The following SNX14 variants were observed in gnomAD, a reference collection of about 807,000 sequenced individuals.
SNX14 encodes the protein sorting nexin-14.
SNX14 carries 93 observed loss-of-function variants against 133.8 expected under a neutral mutation model. The observed-to-expected ratio is 0.70, with a 90% confidence interval of 0.59 to 0.83. The LOEUF (loss-of-function observed/expected upper bound fraction) is 0.83, where lower values mean the gene tolerates loss of function less well. SNX14 is among the 40% of genes least tolerant of loss of function. SNX14 has a pLI of 0.00. For missense variants in SNX14, 945 were observed against 1,094.9 expected (o/e 0.86, Z 1.93); for synonymous variants, 368 against 365.6 (o/e 1.01, Z -0.07).
At chr6:85,582,444 T>C (rs751485297) in intron 1 of SNX14, among the ~76,000 whole-genome samples, 2 of 149,344 alleles carry the variant, frequency 1.3e-5, no homozygotes, top group East Asian at 1.9e-4. Flanking sequence ...CTGAAGGAGA[T>C]AGAGACACAC....
At chr6:85,516,174 C>G (rs1439617808) in intron 23 of SNX14, among the ~76,000 whole-genome samples, 1 of 152,152 alleles carries the variant, frequency 6.6e-6, no homozygotes, top group Non-Finnish European at 1.5e-5. Flanking sequence ...ACAATTTCAT[C>G]TGCTGCAAAA....
At chr6:85,558,216 A>G (rs1177141892) in intron 6 of SNX14, among the ~76,000 whole-genome samples, 156 bp from the exon 7 acceptor site, 1 of 152,232 alleles carries the variant, frequency 6.6e-6, no homozygotes, top group Non-Finnish European at 1.5e-5. Flanking sequence ...TACTAACTGT[A>G]ACATTAGATA....
chr6:85,552,896 A>G (rs1402921177), intron 7 of SNX14, among the ~76,000 whole-genome samples: 1 of 152,194 alleles, frequency 6.6e-6, no homozygotes, highest in Non-Finnish European at 1.5e-5. Context: ...TTCTTAACCA[A>G]TGCAAACCAA....
chr6:85,533,265 T>C (rs574173069), intron 18 of SNX14, among the ~76,000 whole-genome samples: 1 of 152,200 alleles, frequency 6.6e-6, no homozygotes, highest in African/African-American at 2.4e-5. Flanking sequence ...TAATACCTGA[T>C]ACAGTGCTAT....
intron 18 of SNX14, among the ~76,000 whole-genome samples, chr6:85,530,842 C>A (rs754426811): frequency 1.3e-5 from 2 of 152,038 alleles, no homozygotes; most frequent in African/African-American, 4.8e-5. Context: ...TCAGAGCTGA[C>A]AGAAACTTTA....
chr6:85,548,271 A>G, intron 9 of SNX14, 30 bp downstream of exon 9: 1 of 1,504,836 alleles, frequency 6.6e-7, no homozygotes, highest in Non-Finnish European at 9.1e-7. Context: ...TGTAATTTGT[A>G]ACAATTTAAA....
At chr6:85,563,635 C>T (rs929110113) in intron 6 of SNX14, among the ~76,000 whole-genome samples, 1 of 152,126 alleles carries the variant, frequency 6.6e-6, no homozygotes, top group Admixed American at 6.5e-5. Context: ...TCGAGTGGTC[C>T]GCCCACCTAG....
chr6:85,513,797 C>T lies in SNX14; in HGVS notation c.2653+3G>A, dbSNP rs1212089089. On this transcript the variant is annotated splice_donor_region_variant and intron_variant, in intron 26 of 28. Transcript: ENST00000314673. ...AAATTAAGTTACTTCTTAAATATTA[C>T]ACCTGGAATGTAATTCATCATTTCT... 6.3e-6 allele frequency: 10 copies of T among 1,598,352 alleles called. No homozygotes were observed. Among genetic ancestry groups the T allele is most frequent in the Non-Finnish European group, 6.0e-6 (7 of 1,166,972 alleles).
chr6:85,533,538 C>G, intron 18 of SNX14, 61 bp downstream of exon 18: 1 of 1,487,996 alleles, frequency 6.7e-7, no homozygotes, highest in Non-Finnish European at 9.1e-7. Context: ...TTTATCATAC[C>G]TGATAACAAC....
rs1774158819 is a variant in SNX14, at chr6:85,514,609, T to A, written c.2289A>T (p.Lys763Asn). ...TATTTTCAGCACGGTTTGCATTATT[T>A]TTAAACAGATCATTGAAAAGCTAAA... Reference protein sequence around the residue: ...NNKKLFNDLFKNNANRAENTE... With the variant: ...NNKKLFNDLFNNNANRAENTE... Residue 763 changes from lysine (K) to asparagine (N), a missense_variant, in exon 24 of 29, where the codon AAA becomes AAT. This residue lies in a region of SNX14 where 412 missense variants were observed against 516.6 expected (regional missense o/e 0.80). Coordinates refer to ENST00000314673, the MANE Select transcript of SNX14 (RefSeq NM_153816.6). 6.2e-7 allele frequency: 1 copy of A among 1,611,826 alleles called. No homozygotes were observed. Among genetic ancestry groups the A allele is most frequent in the Non-Finnish European group, 8.5e-7 (1 of 1,178,730 alleles).
chr6:85,588,619 T>C (rs998264198), intron 1 of SNX14, among the ~76,000 whole-genome samples: 1 of 138,882 alleles, frequency 7.2e-6, no homozygotes, highest in African/African-American at 2.8e-5. Context: ...ATAATTTTAA[T>C]TCCTAAATCA....
At chr6:85,569,511 A>G (rs1794924584) in intron 4 of SNX14, among the ~76,000 whole-genome samples, 1 of 152,188 alleles carries the variant, frequency 6.6e-6, no homozygotes, top group Non-Finnish European at 1.5e-5. Flanking sequence ...TTTCACTCCC[A>G]GTGTACCCTA....
intron 4 of SNX14, chr6:85,567,824 AAC>A: frequency 3.7e-6 from 1 of 272,640 alleles, no homozygotes; most frequent in Non-Finnish European, 6.9e-6. Flanking sequence ...ATCTACAAAA[AAC>A]AGAACAATAA....
At chr6:85,579,503 A>T (rs576738331) in intron 1 of SNX14, among the ~76,000 whole-genome samples, 1 of 152,334 alleles carries the variant, frequency 6.6e-6, no homozygotes, top group African/African-American at 2.4e-5. Flanking sequence ...TGAAAGAGGC[A>T]TGGAAGAGGG....
At chr6:85,510,686 C>T (rs192545759) in intron 26 of SNX14, among the ~76,000 whole-genome samples, 10 of 152,266 alleles carry the variant, frequency 6.6e-5, no homozygotes, top group East Asian at 1.9e-4. Context: ...AAGAAGTCAT[C>T]GCCAAACAGA....
intron 14 of SNX14, among the ~76,000 whole-genome samples, chr6:85,542,600 T>G (rs1054923958): frequency 2.6e-5 from 4 of 152,058 alleles, no homozygotes; most frequent in Non-Finnish European, 5.9e-5. Context: ...TTCAATGTGT[T>G]AGCCGGGACA....
rs779401269 is a variant in SNX14 at position 85,517,762 on chromosome 6, G to C, written c.2262C>G (p.Asn754Lys). The change falls in exon 23 of 29, where the codon AAC becomes AAG. Residue 754 changes from asparagine (N) to lysine (K), a missense_variant. Physicochemically the swap from Asn to Lys is moderately conservative, Grantham distance 94. Around this residue, in one of 3 missense-constraint regions of SNX14, gnomAD observed 412 missense variants for 516.6 expected, o/e 0.80. Transcript: ENST00000314673. ...TTAATGCAATGTGCAGTACCTTCTT[G>C]TTGTTTTCTGAAGTAGGGCTGAGAA... ...LTILSPTSENNKKLFNDLFKN... is the reference protein window; with the variant it reads ...LTILSPTSENKKKLFNDLFKN... 1.3e-5 allele frequency: 20 copies of C among 1,596,520 alleles called. No individual in the cohort carries two copies. The highest frequency in any genetic ancestry group is 1.6e-5 in the Non-Finnish European group (19 of 1,175,616).
chr6:85,575,161 T>C (rs1796902612), intron 1 of SNX14, among the ~76,000 whole-genome samples: 2 of 152,120 alleles, frequency 1.3e-5, no homozygotes, highest in South Asian at 4.1e-4. Flanking sequence ...AGAAGCCAAA[T>C]AATATAGTGT....
intron 16 of SNX14, among the ~76,000 whole-genome samples, chr6:85,537,189 A>C (rs1429417638): frequency 1.3e-5 from 2 of 152,162 alleles, no homozygotes; most frequent in Non-Finnish European, 2.9e-5. Flanking sequence ...ACCTAGTATT[A>C]ACTTCAAAAT....
Sources: gnomAD v4.1 joint callset for allele counts (sites outside exome capture counted in the v4.1 genomes callset) on GRCh38, gnomAD v4.1.1 for gene constraint, gnomAD v4.1.1 regional missense constraint, MANE v1.5 for transcripts, NCBI Gene and HGNC (gene_info 2026-07-23, HGNC 2026-07-21) for gene names.